The following SNAP25 variants were observed in gnomAD, a reference collection of about 807,000 sequenced individuals.
The protein encoded by SNAP25 is synaptosome associated protein 25.
Under a neutral mutation model 28.7 loss-of-function variants are expected in SNAP25, and 3 were observed. That is an observed-to-expected ratio of 0.10 (90% CI 0.05 to 0.27). The LOEUF (loss-of-function observed/expected upper bound fraction) is 0.27. Ranked by LOEUF, SNAP25 falls within the 10% of genes least tolerant of loss-of-function variation. SNAP25 has a pLI of 1.00. For missense variants in SNAP25, 117 were observed against 278.7 expected, an observed-to-expected ratio of 0.42 and a Z score of 4.13; for synonymous variants, 61 against 88.1, an observed-to-expected ratio of 0.69 and a Z score of 1.72.
intron 7 of SNAP25, among the ~76,000 whole-genome samples, chr20:10,300,118 C>G (rs187545959): frequency 4.6e-5 from 7 of 152,050 alleles, no homozygotes; most frequent in Admixed American, 3.9e-4. Context: ...CACAAGGACA[C>G]CAGACTTGGC....
intron 3 of SNAP25, among the ~76,000 whole-genome samples, chr20:10,279,868 G>T (rs761667779): frequency 6.6e-6 from 1 of 152,176 alleles, no homozygotes; most frequent in Non-Finnish European, 1.5e-5. Context: ...AGATTGATTT[G>T]CTCTTACTTC....
chr20:10,274,530 C>A lies in SNAP25; in HGVS notation c.-63-899C>A, dbSNP rs989822732. Among the ~76,000 whole-genome samples, 3 of 152,158 alleles carry A rather than the reference C, an allele frequency of 2.0e-5. No individual in the cohort carries two copies. In the East Asian group the frequency reaches 5.8e-4, roughly 29 times the overall value. ...TATTTATATAAAATTATAGGAAATG[C>A]AAACTAATGTATAGTGACAGAAAGT... On this transcript the variant is annotated intron_variant, in intron 1 of 7. Transcript: ENST00000254976.
chr20:10,306,173 A>G lies in SNAP25; in HGVS notation c.597A>G (p.Ala199=), dbSNP rs1225892115. 6.2e-7 allele frequency: 1 copy of G among 1,613,606 alleles called. No individual in the cohort carries two copies. The highest frequency in any genetic ancestry group is 1.7e-5 in the Admixed American group (1 of 59,906). Reference sequence around the variant, plus strand: ...GAATTGATGAGGCCAACCAACGTGCAACAAAGATGCTGGGAAGTGGTTAAG... The same window carrying G: ...GAATTGATGAGGCCAACCAACGTGCGACAAAGATGCTGGGAAGTGGTTAAG... ...KTRIDEANQR[A]TKMLGSG The change falls in exon 8 of 8, where the codon GCA becomes GCG. Residue 199 remains alanine, a synonymous_variant. Coordinates refer to ENST00000254976, the MANE Select transcript of SNAP25 (RefSeq NM_130811.4).
intron 1 of SNAP25, among the ~76,000 whole-genome samples, chr20:10,271,899 G>A (rs1010613055): frequency 1.3e-5 from 2 of 152,142 alleles, no homozygotes; most frequent in African/African-American, 4.8e-5. Context: ...TGCTTAGGCC[G>A]AAGATACACA....
chr20:10,254,126 T>A (rs1249623178), intron 1 of SNAP25, among the ~76,000 whole-genome samples: 1 of 152,244 alleles, frequency 6.6e-6, no homozygotes, highest in Admixed American at 6.5e-5. Context: ...TACCAGCCCA[T>A]TGCATAGCTT....
intron 4 of SNAP25, among the ~76,000 whole-genome samples, chr20:10,291,939 T>C (rs2064007468): frequency 6.6e-6 from 1 of 152,234 alleles, no homozygotes; most frequent in Non-Finnish European, 1.5e-5. Flanking sequence ...GGTGATACAA[T>C]TCAAAAAAAT....
At chr20:10,227,404 AGCTACCCCTTT>A (rs2062752255) in intron 1 of SNAP25, among the ~76,000 whole-genome samples, 1 of 152,158 alleles carries the variant, frequency 6.6e-6, no homozygotes, top group Non-Finnish European at 1.5e-5. Flanking sequence ...TGGGGATACC[AGCTACCCCTTT>A]GCAGAGAAAA....
At position 10,299,323 on chromosome 20, in the gene SNAP25, G is replaced by A. The variant is rs2064181965; in HGVS notation, c.463G>A (p.Gly155Ser). 1.9e-6 allele frequency: 3 copies of A among 1,613,896 alleles called. No homozygotes were observed. The highest frequency in any genetic ancestry group is 1.7e-5 in the Admixed American group (1 of 59,988). ...EMDENLEQVS[G>S]IIGNLRHMAL... ...GGATGAAAACCTAGAGCAGGTGAGC[G>A]GCATCATCGGGAACCTCCGTCACAT... The change falls in exon 7 of 8, where the codon GGC (glycine) becomes AGC (serine). Residue 155 changes from glycine to serine, a missense_variant. Gly to Ser is a moderately conservative substitution (Grantham distance 56). Coordinates refer to ENST00000254976, the MANE Select transcript of SNAP25 (RefSeq NM_130811.4).
intron 1 of SNAP25, among the ~76,000 whole-genome samples, chr20:10,266,509 T>C (rs2063509318): frequency 1.3e-5 from 2 of 152,188 alleles, no homozygotes; most frequent in Admixed American, 6.5e-5. Flanking sequence ...CATTAACCCA[T>C]GACTTAGATG....
intron 1 of SNAP25, among the ~76,000 whole-genome samples, chr20:10,256,701 T>C (rs1008723684): frequency 1.3e-5 from 2 of 152,162 alleles, no homozygotes. Context: ...GTAAATATGT[T>C]CATGATAGCC....
chr20:10,277,717 G>T lies in SNAP25; in HGVS notation c.105G>T (p.Leu35=). 6.2e-7 allele frequency: 1 copy of T among 1,613,646 alleles called. No individual in the cohort carries two copies. Among genetic ancestry groups the T allele is most frequent in the Non-Finnish European group, 8.5e-7 (1 of 1,179,830 alleles). Residue 35 remains leucine, a synonymous_variant, in exon 3 of 8, where the codon CTG becomes CTT. Transcript: ENST00000254976. ...SLESTRRMLQ[L]VEESKDAGIR... is the part of the protein sequence containing the mutation. ...AAAGCACCCGTCGTATGCTGCAACT[G>T]GTTGAAGAGGTAAGAAGTGACAGTA...
chr20:10,281,705 T>C (rs1883373), intron 3 of SNAP25, among the ~76,000 whole-genome samples: 2,584 of 152,290 alleles, frequency 0.017, 74 homozygotes, highest in African/African-American at 0.06. Flanking sequence ...CTTACAATCA[T>C]TATTTTTCTT....
chr20:10,247,143 G>C (rs138715153), intron 1 of SNAP25, among the ~76,000 whole-genome samples: 63 of 152,288 alleles, frequency 4.1e-4, no homozygotes, highest in African/African-American at 9.1e-4. Context: ...GCAATTTCTC[G>C]ATGGCAAATG....
At chr20:10,297,145 T>C (rs2123144604) in intron 6 of SNAP25, 95 bp downstream of exon 6, 1 of 1,395,592 alleles carries the variant, frequency 7.2e-7, no homozygotes, top group East Asian at 2.6e-5. Flanking sequence ...ACCATTTTAT[T>C]GCTCATTAAT....
At chr20:10,232,449 G>A (rs919374269) in intron 1 of SNAP25, among the ~76,000 whole-genome samples, 2 of 152,200 alleles carry the variant, frequency 1.3e-5, no homozygotes, top group South Asian at 4.1e-4. Flanking sequence ...AGGTTGGGCT[G>A]AATAGCAAAC....
At chr20:10,235,969 A>C (rs534530560) in intron 1 of SNAP25, among the ~76,000 whole-genome samples, 79 of 152,362 alleles carry the variant, frequency 5.2e-4, no homozygotes, top group African/African-American at 1.8e-3. Flanking sequence ...CACATGGCCA[A>C]GCACAGAGTC....
At chr20:10,223,346 A>G (rs2122605687) in intron 1 of SNAP25, among the ~76,000 whole-genome samples, 1 of 152,334 alleles carries the variant, frequency 6.6e-6, no homozygotes, top group African/African-American at 2.4e-5. Context: ...AAGCCAAAAT[A>G]GTCAGTGGGT....
chr20:10,283,963 T>C (rs546264373), intron 3 of SNAP25, among the ~76,000 whole-genome samples: 114 of 152,342 alleles, frequency 7.5e-4, no homozygotes, highest in African/African-American at 2.7e-3. Context: ...TTGGTTTATT[T>C]GAACAGTAAG....
At chr20:10,268,633 G>T in intron 1 of SNAP25, among the ~76,000 whole-genome samples, 1 of 152,120 alleles carries the variant, frequency 6.6e-6, no homozygotes, top group East Asian at 1.9e-4. Flanking sequence ...TCAGTTCAGA[G>T]TCTTCAGCAG....
Sources: allele counts gnomAD v4.1 joint callset (sites outside exome capture counted in the v4.1 genomes callset), GRCh38; gene constraint gnomAD v4.1.1; transcripts MANE v1.5; gene names NCBI Gene and HGNC (gene_info 2026-07-23, HGNC 2026-07-21).